The following HECA variants were observed in gnomAD, a reference collection of about 807,000 sequenced individuals.
HECA encodes the protein headcase protein homolog.
In HECA, 13 loss-of-function variants were observed where a neutral mutation model predicts 37.6. The ratio of observed to expected loss-of-function variants is 0.35; its 90% CI spans 0.23 to 0.55. The LOEUF (loss-of-function observed/expected upper bound fraction) is 0.55. Among genes scored for constraint, HECA ranks in the 20% least tolerant of loss-of-function variants. The pLI, the probability that HECA is intolerant of heterozygous loss-of-function variation, is 0.90. For missense variants in HECA, 527 were observed against 701.9 expected (o/e 0.75, Z 2.82); for synonymous variants, 307 against 291.5 (o/e 1.05, Z -0.54).
At chr6:139,160,100 C>T (rs1774776132) in intron 1 of HECA, among the ~76,000 whole-genome samples, 1 of 152,144 alleles carries the variant, frequency 6.6e-6, no homozygotes, top group East Asian at 1.9e-4. Context: ...TGACTGCAGC[C>T]TAGCTACCCT....
intron 1 of HECA, among the ~76,000 whole-genome samples, chr6:139,164,073 C>G (rs1257224690): frequency 9.2e-6 from 1 of 108,810 alleles, no homozygotes; most frequent in Non-Finnish European, 1.9e-5. Flanking sequence ...CACAAACACA[C>G]ACACACACTC....
intron 3 of HECA, among the ~76,000 whole-genome samples, chr6:139,174,786 T>C: frequency 6.6e-6 from 1 of 152,080 alleles, no homozygotes; most frequent in Non-Finnish European, 1.5e-5. Context: ...TATAAAATGG[T>C]ATAATAATAT....
intron 1 of HECA, among the ~76,000 whole-genome samples, chr6:139,162,446 A>G (rs550360077): frequency 6.6e-6 from 1 of 152,308 alleles, no homozygotes; most frequent in East Asian, 1.9e-4. Flanking sequence ...AAGAGAAGTT[A>G]AGTAAGTTGT....
chr6:139,140,895 A>G (rs1032825772), intron 1 of HECA, among the ~76,000 whole-genome samples: 6 of 151,988 alleles, frequency 3.9e-5, no homozygotes, highest in African/African-American at 1.5e-4. Flanking sequence ...GGTTCACACT[A>G]TTCTCCTACC....
Position 139,177,255 on chromosome 6 carries a change from C to T in HECA, c.*150C>T. ...GTGTGCCACTAAAATAGGGGCTGCCCTTGCCCTGTCTTGATTCCCGAGTGT... is the reference window on the plus strand; with the variant it reads ...GTGTGCCACTAAAATAGGGGCTGCCTTTGCCCTGTCTTGATTCCCGAGTGT... On this transcript the variant is annotated 3_prime_UTR_variant, in exon 4 of 4. Transcript: ENST00000367658. The surrounding 1 kb of genome is among the most constrained non-coding windows in gnomAD (Gnocchi z 4.9). 1 of 542,178 alleles carries T rather than the reference C, an allele frequency of 1.8e-6. No individual in the cohort carries two copies. Among genetic ancestry groups the T allele is most frequent in the Non-Finnish European group, 3.3e-6 (1 of 305,700 alleles). 33.6% of individuals were successfully genotyped at this position (542,178 alleles called of 1,614,324 possible).
intron 1 of HECA, 60 bp from the exon 2 acceptor site, chr6:139,166,224 C>G: frequency 7.5e-7 from 1 of 1,331,846 alleles, no homozygotes; most frequent in Non-Finnish European, 1.0e-6. Context: ...GTTGCAAGTA[C>G]AGGTTGAGTA....
At chr6:139,157,862 G>C (rs1774739309) in intron 1 of HECA, among the ~76,000 whole-genome samples, 2 of 152,098 alleles carry the variant, frequency 1.3e-5, no homozygotes, top group Non-Finnish European at 2.9e-5. Context: ...AGCAAAAGGG[G>C]GCAAATGAGA....
chr6:139,140,863 T>A (rs1237848044), intron 1 of HECA, among the ~76,000 whole-genome samples: 1 of 152,158 alleles, frequency 6.6e-6, no homozygotes, highest in African/African-American at 2.4e-5. Flanking sequence ...CTATCTCGGC[T>A]CACTGCAAGC....
At chr6:139,139,470 G>A (rs1045569881) in intron 1 of HECA, among the ~76,000 whole-genome samples, 2 of 152,246 alleles carry the variant, frequency 1.3e-5, no homozygotes, top group Non-Finnish European at 2.9e-5. Flanking sequence ...GTTTGTCTTA[G>A]ATCCTGGAAA....
At chr6:139,151,581 C>A (rs1477171382) in intron 1 of HECA, among the ~76,000 whole-genome samples, 3 of 152,130 alleles carry the variant, frequency 2.0e-5, no homozygotes, top group Admixed American at 2.0e-4. Context: ...TTTAGCAATT[C>A]TATTAACTAG....
chr6:139,154,381 T>C (rs1310135168), intron 1 of HECA, among the ~76,000 whole-genome samples: 1 of 151,910 alleles, frequency 6.6e-6, no homozygotes, highest in African/African-American at 2.4e-5. Flanking sequence ...TGATTCACAT[T>C]CCAAAAAAAA....
intron 1 of HECA, among the ~76,000 whole-genome samples, chr6:139,148,191 G>A (rs538184146): frequency 3.9e-5 from 6 of 152,094 alleles, no homozygotes; most frequent in East Asian, 1.9e-4. Flanking sequence ...TTTGACATAC[G>A]CTTTCCCTAA....
At chr6:139,142,798 A>C (rs1034738999) in intron 1 of HECA, among the ~76,000 whole-genome samples, 8 of 152,136 alleles carry the variant, frequency 5.3e-5, no homozygotes, top group African/African-American at 1.9e-4. Context: ...AAATACAAAA[A>C]TTAGCTGGGC....
At chr6:139,149,839 A>G (rs1301035021) in intron 1 of HECA, among the ~76,000 whole-genome samples, 1 of 152,218 alleles carries the variant, frequency 6.6e-6, no homozygotes, top group Non-Finnish European at 1.5e-5. Context: ...TTCTTTCACC[A>G]GTGTGAGCAT....
intron 2 of HECA, among the ~76,000 whole-genome samples, chr6:139,168,294 G>A (rs1774921636): frequency 6.6e-6 from 1 of 151,776 alleles, no homozygotes; most frequent in African/African-American, 2.4e-5. Flanking sequence ...AATCCTTAAT[G>A]TTTACTAATG....
rs1775097811 is a variant in HECA at position 139,179,125 on chromosome 6, G to T, written c.*2020G>T. ...AGAGGATTGTAAGACATAGCTTTCTGCAAACTTGTCTTTAATGCACAAAGC... is the reference window on the plus strand; with the variant it reads ...AGAGGATTGTAAGACATAGCTTTCTTCAAACTTGTCTTTAATGCACAAAGC... On this transcript the variant is annotated 3_prime_UTR_variant, in exon 4 of 4. Transcript: ENST00000367658. The T allele has an allele frequency of 1.3e-5, 2 of 152,152 alleles. No homozygotes were observed. 9.4% of individuals were successfully genotyped at this position (152,152 alleles called of 1,614,324 possible).
chr6:139,142,119 G>C (rs1405519722), intron 1 of HECA, among the ~76,000 whole-genome samples: 1 of 151,818 alleles, frequency 6.6e-6, no homozygotes, highest in Non-Finnish European at 1.5e-5. Flanking sequence ...GTAGAGACAG[G>C]GTTTCACCAC....
chr6:139,148,263 T>C (rs1293717220), intron 1 of HECA, among the ~76,000 whole-genome samples: 2 of 152,236 alleles, frequency 1.3e-5, no homozygotes, highest in African/African-American at 4.8e-5. Context: ...TTTTACAGTT[T>C]TGTATGATTA....
At chr6:139,146,189 T>C (rs1774581652) in intron 1 of HECA, among the ~76,000 whole-genome samples, 1 of 152,236 alleles carries the variant, frequency 6.6e-6, no homozygotes, top group African/African-American at 2.4e-5. Flanking sequence ...GATTTATTCC[T>C]TCATAACACG....
Sources: gnomAD v4.1 joint callset for allele counts (sites outside exome capture counted in the v4.1 genomes callset) on GRCh38, gnomAD v4.1.1 for gene constraint, Gnocchi (gnomAD v3.1) non-coding constraint, MANE v1.5 for transcripts, NCBI Gene and HGNC (gene_info 2026-07-23, HGNC 2026-07-21) for gene names.